ZNF718: variants seen among roughly 807,000 people sequenced by gnomAD.
The protein encoded by ZNF718 is zinc finger protein 718.
In ZNF718, 3 loss-of-function variants were observed where a neutral mutation model predicts 2.6. The observed-to-expected ratio is 1.16, with a 90% CI of 0.53 to 3.01. The LOEUF (loss-of-function observed/expected upper bound fraction) is 3.01, where lower values mean the gene tolerates loss of function less well. Ranked by LOEUF, ZNF718 falls within the 30% of genes most tolerant of loss-of-function variation. The pLI, the probability that ZNF718 is intolerant of heterozygous loss-of-function variation, is 0.03. For synonymous variants in ZNF718, 135 were observed against 77.9 expected, an observed-to-expected ratio of 1.73 and a Z score of -3.86; for missense variants, 468 against 230.0, an observed-to-expected ratio of 2.03 and a Z score of -6.69.
chr4:173,014 C>T (rs759377333), intron 3 of ZNF718, among the ~76,000 whole-genome samples: 1 of 151,910 alleles, frequency 6.6e-6, no homozygotes, highest in Non-Finnish European at 1.5e-5. Context: ...CACCGCACTG[C>T]AGCCTGAAGA....
chr4:126,052 G>A (rs1384135722), intron 1 of ZNF718, among the ~76,000 whole-genome samples: 1 of 152,160 alleles, frequency 6.6e-6, no homozygotes, highest in Non-Finnish European at 1.5e-5. Flanking sequence ...GCACAAACCA[G>A]TCCTTTCATC....
At chr4:160,500 ATATTAGATTTGTAATTG>A (rs1348474628) in intron 3 of ZNF718, among the ~76,000 whole-genome samples, 1 of 152,168 alleles carries the variant, frequency 6.6e-6, no homozygotes, top group African/African-American at 2.4e-5. Flanking sequence ...ATAATTTTAT[ATATTAGATTTGTAATTG>A]TATTAGATTT....
At chr4:149,363 A>C (rs1382801980) in intron 3 of ZNF718, among the ~76,000 whole-genome samples, 2 of 152,214 alleles carry the variant, frequency 1.3e-5, no homozygotes, top group Non-Finnish European at 2.9e-5. Flanking sequence ...GTCACAGTTA[A>C]AAACTGTAGT....
At chr4:154,317 C>T (rs1716468802) in intron 3 of ZNF718, among the ~76,000 whole-genome samples, 1 of 152,028 alleles carries the variant, frequency 6.6e-6, no homozygotes, top group Admixed American at 6.6e-5. Context: ...GGGAACTGCA[C>T]CTGAAAATGT....
chr4:163,546 TATC>T lies in ZNF718; in HGVS notation c.*1427_*1429del, dbSNP rs781976398. On this transcript the variant is annotated 3_prime_UTR_variant, in exon 4 of 4. Transcript: ENST00000510175. The stretch of plus-strand genomic sequence containing the variant: ...GATGCATACATCTTTGTGGTTGACT[TATC>T]ATTGCATGATGCATGACGTACATGT... 1.3e-4 allele frequency: 20 copies of T among 152,326 alleles called. No homozygotes were observed. Among genetic ancestry groups the T allele is most frequent in the South Asian group, 2.1e-4 (1 of 4,832 alleles). 9.4% of individuals were successfully genotyped at this position (152,326 alleles called of 1,614,324 possible). A position where few individuals can be genotyped will look rare whatever the true frequency, so the allele number is the denominator to read the frequency against.
intron 3 of ZNF718, among the ~76,000 whole-genome samples, chr4:175,147 C>G (rs1360291169): frequency 3.3e-5 from 5 of 152,232 alleles, no homozygotes; most frequent in African/African-American, 4.8e-5. Context: ...ATCCCTGACT[C>G]AATTTCAAGA....
At chr4:191,441 C>T (rs782340269) in intron 3 of ZNF718, among the ~76,000 whole-genome samples, 9 of 151,904 alleles carry the variant, frequency 5.9e-5, no homozygotes, top group African/African-American at 7.3e-5. Context: ...CATGAGTCAC[C>T]GCACCCAGCC....
chr4:171,793 G>C (rs1290780792), intron 3 of ZNF718, among the ~76,000 whole-genome samples: 1 of 152,132 alleles, frequency 6.6e-6, no homozygotes, highest in Non-Finnish European at 1.5e-5. Flanking sequence ...TGTGCTTCCC[G>C]GGTGAGGCAA....
In ZNF718 at chr4:124,685, G is replaced by C. The variant is rs368957073; in HGVS notation, c.3+12G>C. 3 of 1,609,478 alleles carry C rather than the reference G, an allele frequency of 1.9e-6. No individual in the cohort carries two copies. The East Asian group carries it at 6.7e-5, about 36-fold the overall frequency. On this transcript the variant is annotated intron_variant, in intron 1 of 3. Coordinates refer to ENST00000510175, the MANE Select transcript of ZNF718 (RefSeq NM_001039127.6). ...GAAGTCGGGAAATGGTGAGTGTGCA[G>C]GGCAGGGCGTCCCAAGGCTGTGGAG...
intron 3 of ZNF718, among the ~76,000 whole-genome samples, chr4:134,181 C>G (rs1715452963): frequency 6.6e-6 from 1 of 152,140 alleles, no homozygotes; most frequent in Non-Finnish European, 1.5e-5. Flanking sequence ...TGGAGTCTCG[C>G]TGTCACCCAG....
At chr4:166,381 G>C (rs1324829758), downstream of ZNF718, among the ~76,000 whole-genome samples, 1 of 152,118 alleles carries the variant, frequency 6.6e-6, no homozygotes, top group Non-Finnish European at 1.5e-5. Flanking sequence ...GGGATGGCTG[G>C]GTCAAATGGT....
At chr4:164,426 A>G (rs148974429), downstream of ZNF718, among the ~76,000 whole-genome samples, 1,280 of 152,124 alleles carry the variant, frequency 8.4e-3, 18 homozygotes, top group Middle Eastern at 0.061. Flanking sequence ...AATCTACACT[A>G]TATTCTTTGT....
At chr4:126,320 A>C (rs1581418135) in intron 1 of ZNF718, among the ~76,000 whole-genome samples, 2 of 152,240 alleles carry the variant, frequency 1.3e-5, no homozygotes, top group East Asian at 3.8e-4. Context: ...CTTTTCTTAA[A>C]GCATTTAGGT....
At chr4:200,921 G>T (rs1169708318) in intron 3 of ZNF718, among the ~76,000 whole-genome samples, 2 of 152,114 alleles carry the variant, frequency 1.3e-5, no homozygotes, top group Admixed American at 6.5e-5. Flanking sequence ...CCTAAAAAGT[G>T]CTCTTAATTG....
intron 3 of ZNF718, among the ~76,000 whole-genome samples, chr4:151,091 A>G (rs1348279063): frequency 6.6e-6 from 1 of 151,936 alleles, no homozygotes; most frequent in Admixed American, 6.6e-5. Flanking sequence ...TGTTAGTCTT[A>G]TTTTTTAATT....
chr4:129,744 G>A (rs1161430295), intron 1 of ZNF718, among the ~76,000 whole-genome samples: 40,531 of 97,800 alleles, frequency 0.41, 16,168 homozygotes, highest in East Asian at 0.81. Context: ...TATCTGTCCC[G>A]TCTCTCTATA....
At position 169,434 on chromosome 4, in the gene ZNF718, T is replaced by C. The variant is rs574519298; in HGVS notation, c.227-31647T>C. On this transcript the variant is annotated intron_variant and NMD_transcript_variant, in intron 3 of 4. Transcript: ENST00000642529. Reference sequence around the variant, plus strand: ...TAACTTTCTGTCTCGTTGATCTGTCTAATATTGACAGTGGGGTGTTAAAGT... The same window carrying C: ...TAACTTTCTGTCTCGTTGATCTGTCCAATATTGACAGTGGGGTGTTAAAGT... Among the ~76,000 whole-genome samples the C allele has an allele frequency of 1.2e-4, 19 of 152,284 alleles. No individual in the cohort carries two copies. In the South Asian group the frequency reaches 3.9e-3, roughly 32 times the overall value.
intron 3 of ZNF718, among the ~76,000 whole-genome samples, chr4:193,958 A>C (rs1462689950): frequency 6.6e-6 from 1 of 152,140 alleles, no homozygotes; most frequent in Admixed American, 6.5e-5. Flanking sequence ...TGTAGACCGC[A>C]CTGGAAGCAG....
At chr4:140,027 T>A (rs372292092) in intron 3 of ZNF718, among the ~76,000 whole-genome samples, 25 of 152,270 alleles carry the variant, frequency 1.6e-4, no homozygotes, top group East Asian at 1.2e-3. Context: ...CTTTTTTTTT[T>A]ATCTTTTCTG....
Sources: allele counts gnomAD v4.1 joint callset (sites outside exome capture counted in the v4.1 genomes callset), GRCh38; gene constraint gnomAD v4.1.1; transcripts MANE v1.5; gene names NCBI Gene and HGNC (gene_info 2026-07-23, HGNC 2026-07-21).